The following ARHGAP5 variants were observed in gnomAD, a reference collection of about 807,000 sequenced individuals.
ARHGAP5 encodes rho GTPase-activating protein 5.
In ARHGAP5, 23 loss-of-function variants were observed where a neutral mutation model predicts 116.6. The observed-to-expected ratio is 0.20, with a 90% CI of 0.14 to 0.28. The LOEUF (loss-of-function observed/expected upper bound fraction) is 0.28. ARHGAP5 is among the 10% of genes least tolerant of loss of function. The probability of loss-of-function intolerance (pLI) is 1.00; values close to 1 mark genes in which losing one functional copy is unlikely to be tolerated. For missense variants in ARHGAP5, 1,405 were observed against 1,774.8 expected, an observed-to-expected ratio of 0.79 and a Z score of 3.74; for synonymous variants, 574 against 602.0, an observed-to-expected ratio of 0.95 and a Z score of 0.68.
chr14:32,153,707 G>A (rs1881762857), intron 6 of ARHGAP5, among the ~76,000 whole-genome samples: 1 of 151,848 alleles, frequency 6.6e-6, no homozygotes, highest in South Asian at 2.1e-4. Flanking sequence ...TCTTGACCTT[G>A]TGATCCGCCT....
At chr14:32,152,585 A>C in intron 6 of ARHGAP5, 57 bp downstream of exon 6, 1 of 917,052 alleles carries the variant, frequency 1.1e-6, no homozygotes, top group Non-Finnish European at 1.7e-6. Flanking sequence ...CATTTCAAAC[A>C]TGTAAATTTT....
At chr14:32,125,407 A>G (rs1880100071) in intron 3 of ARHGAP5, among the ~76,000 whole-genome samples, 1 of 152,090 alleles carries the variant, frequency 6.6e-6, no homozygotes. Flanking sequence ...GGTTATTTCC[A>G]CCTTTTGGCT....
chr14:32,094,741 C>T (rs1482842377), intron 2 of ARHGAP5, among the ~76,000 whole-genome samples: 5 of 152,036 alleles, frequency 3.3e-5, no homozygotes, highest in Non-Finnish European at 7.4e-5. Flanking sequence ...ATTTGACATA[C>T]CTGTCTCACT....
At chr14:32,081,877 T>A (rs1389956217) in intron 1 of ARHGAP5, among the ~76,000 whole-genome samples, 2 of 152,260 alleles carry the variant, frequency 1.3e-5, no homozygotes, top group East Asian at 1.9e-4. Flanking sequence ...TAGTAAAAAA[T>A]TAACATTACT....
At chr14:32,112,328 T>C (rs949382707) in intron 2 of ARHGAP5, among the ~76,000 whole-genome samples, 10 of 152,192 alleles carry the variant, frequency 6.6e-5, no homozygotes. Context: ...GGTGACCCTT[T>C]GTGTTGCTGG....
intron 3 of ARHGAP5, among the ~76,000 whole-genome samples, chr14:32,144,962 AGT>A (rs1881308942): frequency 2.0e-5 from 3 of 152,162 alleles, no homozygotes; most frequent in Non-Finnish European, 2.9e-5. Flanking sequence ...TTATCATTCA[AGT>A]TGACATTTTT....
intron 3 of ARHGAP5, among the ~76,000 whole-genome samples, chr14:32,135,219 T>C (rs1880725244): frequency 6.6e-6 from 1 of 152,204 alleles, no homozygotes; most frequent in African/African-American, 2.4e-5. Flanking sequence ...GAATTGAGGC[T>C]TTTTTGGTTT....
rs56377207 is a variant in ARHGAP5, at chr14:32,121,013, C to CTTTTT, written c.3865+3742_3865+3746dup. On this transcript the variant is annotated intron_variant, in intron 3 of 6. Coordinates refer to ENST00000345122, the MANE Select transcript of ARHGAP5 (RefSeq NM_001030055.2). ...ATTTCATACACATTTAGGATTATGT[C>CTTTTT]TTTTTTTTTTTTTTTTTTTTGGAGA... Among the ~76,000 whole-genome samples, 88 of 104,924 alleles carry CTTTTT rather than the reference C, an allele frequency of 8.4e-4. 2 individuals are homozygous for CTTTTT. The highest frequency in any genetic ancestry group is 2.5e-3 in the African/African-American group (66 of 26,296). The allele number at this position is 104,924 out of a possible 152,430, so 68.8% of individuals were successfully genotyped here.
chr14:32,130,386 G>A (rs1880415917), intron 3 of ARHGAP5, among the ~76,000 whole-genome samples: 1 of 146,768 alleles, frequency 6.8e-6, no homozygotes, highest in Non-Finnish European at 1.5e-5. Flanking sequence ...TAATTTTTTG[G>A]GTTTTTTTTT....
At chr14:32,111,122 G>A (rs770696264) in intron 2 of ARHGAP5, among the ~76,000 whole-genome samples, 2 of 152,200 alleles carry the variant, frequency 1.3e-5, no homozygotes, top group Non-Finnish European at 2.9e-5. Flanking sequence ...GACAATCAGA[G>A]CCTGGGGCTG....
In ARHGAP5 at chr14:32,093,997, G is replaced by A; in HGVS notation, c.3328G>A (p.Val1110Ile). Residue 1110 changes from valine (V) to isoleucine (I), a missense_variant, in exon 2 of 7, where the codon GTT (valine) becomes ATT (isoleucine). Physicochemically the swap from Val to Ile is conservative, Grantham distance 29. Around this residue, in one of 6 missense-constraint regions of ARHGAP5, gnomAD observed 944 missense variants for 1,095.3 expected, o/e 0.86. Coordinates refer to ENST00000345122, the MANE Select transcript of ARHGAP5 (RefSeq NM_001030055.2). ...KQKGYSDEIY[V>I]VPDDSQNRIK... is the part of the protein sequence containing the mutation. ...GAAGGGCTATTCTGATGAGATTTATGTTGTCCCAGATGATAGTCAAAATCG... is the reference window on the plus strand; with the variant it reads ...GAAGGGCTATTCTGATGAGATTTATATTGTCCCAGATGATAGTCAAAATCG... The A allele has an allele frequency of 3.1e-6, 5 of 1,613,654 alleles. No homozygotes were observed. The highest frequency in any genetic ancestry group is 3.4e-6 in the Non-Finnish European group (4 of 1,179,914).
At chr14:32,140,115 C>CTTT (rs376976211) in intron 3 of ARHGAP5, among the ~76,000 whole-genome samples, 15 of 25,406 alleles carry the variant, frequency 5.9e-4, no homozygotes, top group East Asian at 1.3e-3. Flanking sequence ...TTTTTTTTTC[C>CTTT]TTTTTTTTTT....
Position 32,154,611 on chromosome 14 carries a change from A to G in ARHGAP5, c.4182-10A>G, listed in dbSNP as rs150623895. On this transcript the variant is annotated splice_polypyrimidine_tract_variant and intron_variant, in intron 6 of 6. Transcript: ENST00000345122. The stretch of plus-strand genomic sequence containing the variant: ...TGATTTCTAAATGTTTTTTCCTTTC[A>G]TAATTTCAGGGTTAGTCAGCAACAT... 8.5e-4 allele frequency: 1,347 copies of G among 1,576,986 alleles called. 7 individuals carry two copies. The African/African-American group carries it at 0.012, about 15-fold the overall frequency.
chr14:32,107,605 T>C (rs1879077035), intron 2 of ARHGAP5, among the ~76,000 whole-genome samples: 1 of 152,228 alleles, frequency 6.6e-6, no homozygotes, highest in African/African-American at 2.4e-5. Context: ...GCTTGTGATA[T>C]ATTTGCTGTG....
At chr14:32,088,599 G>A (rs973867527) in intron 1 of ARHGAP5, among the ~76,000 whole-genome samples, 1 of 151,890 alleles carries the variant, frequency 6.6e-6, no homozygotes. Flanking sequence ...CTGATGCTAG[G>A]TACAGATTTT....
chr14:32,083,425 G>A lies in ARHGAP5; in HGVS notation c.-169+5990G>A, dbSNP rs558733255. Among the ~76,000 whole-genome samples the A allele has an allele frequency of 2.5e-3, 378 of 152,356 alleles. 1 individual carries two copies. The highest frequency in any genetic ancestry group is 8.7e-3 in the African/African-American group (363 of 41,580). ...TGAGTAGTGTGACAGACACTGTGCA[G>A]CATGCAAAGCCTAAAATATTTACTG... On this transcript the variant is annotated intron_variant, in intron 1 of 6. Transcript: ENST00000345122.
In ARHGAP5 at chr14:32,146,249, C is replaced by T. The variant is rs1881374777; in HGVS notation, c.3866-14C>T. On this transcript the variant is annotated splice_polypyrimidine_tract_variant and intron_variant, in intron 3 of 6. Transcript: ENST00000345122. Reference sequence around the variant, plus strand: ...TGTGTTTATTAAAGTATGCATATTTCTTTATTCTCTTAGGGTTATGTACCG... The same window carrying T: ...TGTGTTTATTAAAGTATGCATATTTTTTTATTCTCTTAGGGTTATGTACCG... The T allele has an allele frequency of 1.9e-6, 3 of 1,588,348 alleles. No individual in the cohort carries two copies.
Position 32,092,389 on chromosome 14 carries a change from A to G in ARHGAP5, c.1720A>G (p.Ser574Gly). ...TDIKVEQLLA[S>G]SLLQLDHGRL... ...CATTAAAGTGGAGCAGTTACTTGCTAGTAGTCTTTTACAGTTGGATCATGG... is the reference window on the plus strand; with the variant it reads ...CATTAAAGTGGAGCAGTTACTTGCTGGTAGTCTTTTACAGTTGGATCATGG... Residue 574 changes from serine (S) to glycine (G), a missense_variant, in exon 2 of 7, where the codon AGT becomes GGT. Ser to Gly is a moderately conservative substitution (Grantham distance 56). Coordinates refer to ENST00000345122, the MANE Select transcript of ARHGAP5 (RefSeq NM_001030055.2). The surrounding 1 kb of genome is among the most constrained non-coding windows in gnomAD (Gnocchi z 4.1). The G allele has an allele frequency of 3.7e-6, 6 of 1,613,488 alleles. No individual in the cohort carries two copies. The highest frequency in any genetic ancestry group is 5.1e-6 in the Non-Finnish European group (6 of 1,179,726).
intron 2 of ARHGAP5, among the ~76,000 whole-genome samples, chr14:32,095,401 G>GTTT (rs869055864): frequency 1.4e-4 from 17 of 120,966 alleles, no homozygotes; most frequent in East Asian, 4.9e-4. Context: ...TGTAAACTTT[G>GTTT]TTTTTTTTTT....
Sources: gnomAD v4.1 joint callset for allele counts (sites outside exome capture counted in the v4.1 genomes callset) on GRCh38, gnomAD v4.1.1 for gene constraint, gnomAD v4.1.1 regional missense constraint, Gnocchi (gnomAD v3.1) non-coding constraint, MANE v1.5 for transcripts, NCBI Gene and HGNC (gene_info 2026-07-23, HGNC 2026-07-21) for gene names.